Variants in CDH12 observed in about 807,000 individuals in gnomAD.
CDH12 encodes the protein cadherin 12.
In CDH12, 41 loss-of-function variants were observed where a neutral mutation model predicts 74.1. That is an observed-to-expected ratio of 0.55 (90% CI 0.43 to 0.72). The LOEUF (loss-of-function observed/expected upper bound fraction) is 0.72. Ranked by LOEUF, CDH12 falls within the 30% of genes least tolerant of loss-of-function variation. The probability of loss-of-function intolerance (pLI) is 0.00; values close to 1 mark genes in which losing one functional copy is unlikely to be tolerated. For synonymous variants in CDH12, 399 were observed against 355.0 expected (o/e 1.12, Z -1.39); for missense variants, 945 against 977.2 (o/e 0.97, Z 0.44).
chr5:21,958,813 T>C (rs1756216103), intron 6 of CDH12, among the ~76,000 whole-genome samples: 1 of 152,210 alleles, frequency 6.6e-6, no homozygotes, highest in Admixed American at 6.5e-5. Context: ...AAAACAGTTG[T>C]TTCTAGTTTT....
intron 3 of CDH12, among the ~76,000 whole-genome samples, chr5:22,336,052 C>G (rs1446394792): frequency 2.0e-5 from 3 of 152,176 alleles, no homozygotes; most frequent in Non-Finnish European, 4.4e-5. Flanking sequence ...AGATGAGGAA[C>G]TTGTTCGGAA....
At chr5:21,764,397 TA>T (rs767887304) in intron 12 of CDH12, among the ~76,000 whole-genome samples, 6 of 131,022 alleles carry the variant, frequency 4.6e-5, no homozygotes, top group Admixed American at 7.8e-5. Flanking sequence ...AAATACAAAT[TA>T]AAAAAAAGAA....
chr5:21,989,990 T>C (rs1757680467), intron 5 of CDH12, among the ~76,000 whole-genome samples: 1 of 152,200 alleles, frequency 6.6e-6, no homozygotes. Flanking sequence ...TGCAATCTTA[T>C]TCTTTCTCTG....
chr5:22,842,868 C>T (rs938271583), intron 1 of CDH12, among the ~76,000 whole-genome samples: 3 of 151,972 alleles, frequency 2.0e-5, no homozygotes, highest in African/African-American at 4.8e-5. Context: ...CTATTTTAAA[C>T]AACAAGCAAT....
intron 4 of CDH12, among the ~76,000 whole-genome samples, chr5:22,085,690 A>T (rs922613890): frequency 6.6e-6 from 1 of 152,196 alleles, no homozygotes. Flanking sequence ...TTTATTTTCC[A>T]TATTATTAAA....
chr5:22,176,600 A>G (rs184404532), intron 4 of CDH12, among the ~76,000 whole-genome samples: 17 of 152,180 alleles, frequency 1.1e-4, no homozygotes, highest in Non-Finnish European at 2.5e-4. Flanking sequence ...TGTCTTTTCA[A>G]TACTTGCACT....
At chr5:22,642,517 C>T (rs575868680) in intron 1 of CDH12, among the ~76,000 whole-genome samples, 1 of 152,158 alleles carries the variant, frequency 6.6e-6, no homozygotes, top group African/African-American at 2.4e-5. Context: ...GTAGCTGGGC[C>T]ATAAAAGAAT....
At chr5:22,297,381 T>G (rs1240854175) in intron 3 of CDH12, among the ~76,000 whole-genome samples, 4 of 152,184 alleles carry the variant, frequency 2.6e-5, no homozygotes, top group African/African-American at 9.7e-5. Context: ...GCTCCATTAC[T>G]GTGTATTATG....
At chr5:21,770,851 A>ACATTGC (rs1431709023) in intron 11 of CDH12, among the ~76,000 whole-genome samples, 1 of 152,152 alleles carries the variant, frequency 6.6e-6, no homozygotes, top group Non-Finnish European at 1.5e-5. Flanking sequence ...AAAATGTGGC[A>ACATTGC]CATATACATA....
chr5:22,092,789 A>G (rs1489695594), intron 4 of CDH12, among the ~76,000 whole-genome samples: 1 of 152,118 alleles, frequency 6.6e-6, no homozygotes, highest in Non-Finnish European at 1.5e-5. Flanking sequence ...CCACACAAAA[A>G]CCTGTATACA....
At chr5:22,179,532 G>A (rs1484181394) in intron 4 of CDH12, among the ~76,000 whole-genome samples, 2 of 152,142 alleles carry the variant, frequency 1.3e-5, no homozygotes, top group Non-Finnish European at 2.9e-5. Context: ...CTAAAATTCA[G>A]TCATTATTCT....
At chr5:21,872,368 A>T (rs991686748) in intron 6 of CDH12, among the ~76,000 whole-genome samples, 2 of 152,232 alleles carry the variant, frequency 1.3e-5, no homozygotes, top group Non-Finnish European at 2.9e-5. Flanking sequence ...TGAGCACTTT[A>T]TCTCTCAGCT....
chr5:22,273,665 T>C (rs998502853), intron 3 of CDH12, among the ~76,000 whole-genome samples: 1 of 152,212 alleles, frequency 6.6e-6, no homozygotes, highest in Non-Finnish European at 1.5e-5. Context: ...AGTAATCTTT[T>C]ACTTCCACTT....
intron 3 of CDH12, among the ~76,000 whole-genome samples, chr5:22,366,604 A>G (rs1371110067): frequency 1.3e-5 from 2 of 152,196 alleles, no homozygotes; most frequent in South Asian, 2.1e-4. Context: ...AAAATGAATC[A>G]GTTCTGACTT....
intron 4 of CDH12, among the ~76,000 whole-genome samples, chr5:22,192,148 G>C (rs1750346359): frequency 6.6e-6 from 1 of 151,556 alleles, no homozygotes; most frequent in African/African-American, 2.4e-5. Flanking sequence ...TGGCCAGGAT[G>C]GTCTCAAACT....
intron 1 of CDH12, among the ~76,000 whole-genome samples, chr5:22,586,918 G>A (rs1228881410): frequency 6.7e-6 from 1 of 149,966 alleles, no homozygotes; most frequent in Non-Finnish European, 1.5e-5. Flanking sequence ...GTGGTCTCGG[G>A]TCACTGCAAC....
chr5:22,648,309 C>T lies in CDH12; in HGVS notation c.-522-142945G>A, dbSNP rs1373454101. Among the ~76,000 whole-genome samples the T allele has an allele frequency of 2.6e-5, 4 of 152,022 alleles. No homozygotes were observed. In the East Asian group the frequency reaches 5.8e-4, roughly 22 times the overall value. On this transcript the variant is annotated intron_variant, in intron 1 of 14. Coordinates refer to ENST00000382254, the MANE Select transcript of CDH12 (RefSeq NM_004061.5). ...ACTATTTCATAGAGTACAGCCTTGA[C>T]ATCCTCAAGACCACAGAACAGTATC...
intron 12 of CDH12, among the ~76,000 whole-genome samples, chr5:21,764,611 T>G (rs932350562): frequency 7.5e-6 from 1 of 133,352 alleles, no homozygotes; most frequent in Non-Finnish European, 1.5e-5. Context: ...AATGTGCCAT[T>G]ACACTCCAGC....
chr5:21,857,553 T>C (rs892095891), intron 6 of CDH12, among the ~76,000 whole-genome samples: 2 of 151,878 alleles, frequency 1.3e-5, no homozygotes, highest in African/African-American at 4.8e-5. Context: ...AACTATATTC[T>C]ATATCTTATA....
Sources: allele counts gnomAD v4.1 joint callset (sites outside exome capture counted in the v4.1 genomes callset), GRCh38; gene constraint gnomAD v4.1.1; transcripts MANE v1.5; gene names NCBI Gene and HGNC (gene_info 2026-07-23, HGNC 2026-07-21).